DLG2: variants seen among roughly 807,000 people sequenced by gnomAD.
DLG2 encodes the protein disks large homolog 2.
In DLG2, 45 loss-of-function variants were observed where a neutral mutation model predicts 132.5. The ratio of observed to expected loss-of-function variants is 0.34; its 90% CI spans 0.27 to 0.44. DLG2 has a LOEUF of 0.44. Among genes scored for constraint, DLG2 ranks in the 20% least tolerant of loss-of-function variants. The probability of loss-of-function intolerance (pLI) is 1.00; values close to 1 mark genes in which losing one functional copy is unlikely to be tolerated. For missense variants in DLG2, 1,045 were observed against 1,196.9 expected (o/e 0.87, Z 1.87); for synonymous variants, 424 against 419.6 (o/e 1.01, Z -0.13).
intron 25 of DLG2, among the ~76,000 whole-genome samples, chr11:83,467,886 A>C (rs1438081062): frequency 6.9e-6 from 1 of 145,418 alleles, no homozygotes; most frequent in African/African-American, 2.5e-5. Flanking sequence ...GTTAAATGCC[A>C]AGAGAGAAAG....
At chr11:83,912,064 C>T (rs2076161883) in intron 15 of DLG2, among the ~76,000 whole-genome samples, 1 of 151,936 alleles carries the variant, frequency 6.6e-6, no homozygotes, top group Non-Finnish European at 1.5e-5. Flanking sequence ...TATATACTCT[C>T]ACTTGCTGAG....
intron 19 of DLG2, among the ~76,000 whole-genome samples, chr11:83,588,458 G>C (rs1259821419): frequency 6.6e-6 from 1 of 152,098 alleles, no homozygotes; most frequent in African/African-American, 2.4e-5. Context: ...AAACAGAAAG[G>C]ACATCCACAC....
chr11:85,173,904 T>C (rs879933422), intron 4 of DLG2, among the ~76,000 whole-genome samples: 12 of 152,068 alleles, frequency 7.9e-5, no homozygotes, highest in Non-Finnish European at 1.5e-5. Flanking sequence ...AAGGGTTCAA[T>C]TCAACAAAAA....
chr11:83,838,279 T>C (rs11233755), intron 16 of DLG2, among the ~76,000 whole-genome samples: 109,923 of 152,120 alleles, frequency 0.72, 41,031 homozygotes, highest in African/African-American at 0.91. Context: ...GGAATCTAGG[T>C]GACAAGTACA....
chr11:83,946,872 A>G (rs2084114711), intron 14 of DLG2, among the ~76,000 whole-genome samples: 1 of 152,174 alleles, frequency 6.6e-6, no homozygotes, highest in South Asian at 2.1e-4. Flanking sequence ...CCACATTCTC[A>G]CTGTGAGTGC....
Position 83,457,031 on chromosome 11 carries a change from C to T in DLG2, c.*2787G>A, listed in dbSNP as rs911837589. On this transcript the variant is annotated 3_prime_UTR_variant, in exon 28 of 28. Coordinates refer to ENST00000376104, the MANE Select transcript of DLG2 (RefSeq NM_001142699.3). ...TTGATTTTGGTAAAGCTGAGACCCC[C>T]GTGGTGCTACACATTGTACCAGAGC... is the stretch of plus-strand genomic sequence containing the variant. The T allele has an allele frequency of 6.6e-6, 1 of 152,658 alleles. No homozygotes were observed. The highest frequency in any genetic ancestry group is 1.5e-5 in the Non-Finnish European group (1 of 68,044). 9.5% of individuals were successfully genotyped at this position (152,658 alleles called of 1,614,324 possible). A position where few individuals can be genotyped will look rare whatever the true frequency, so the allele number is the denominator to read the frequency against.
chr11:83,972,095 AAAG>A (rs1800434024), intron 12 of DLG2, among the ~76,000 whole-genome samples: 1 of 152,120 alleles, frequency 6.6e-6, no homozygotes, highest in African/African-American at 2.4e-5. Flanking sequence ...GAATGGGAAA[AAAG>A]AAAGTTAATT....
At chr11:84,985,040 G>A (rs1001272835) in intron 6 of DLG2, among the ~76,000 whole-genome samples, 1 of 152,124 alleles carries the variant, frequency 6.6e-6, no homozygotes, top group African/African-American at 2.4e-5. Flanking sequence ...AATATTGGAG[G>A]ACTTTACTAC....
chr11:83,546,113 G>A (rs765549553), intron 19 of DLG2, among the ~76,000 whole-genome samples: 16 of 152,056 alleles, frequency 1.1e-4, no homozygotes, highest in Non-Finnish European at 2.1e-4. Flanking sequence ...ATGTGTGGTG[G>A]CCCCTTGCCA....
intron 6 of DLG2, among the ~76,000 whole-genome samples, chr11:84,881,926 C>G (rs1342253798): frequency 1.3e-5 from 2 of 152,094 alleles, no homozygotes; most frequent in Non-Finnish European, 2.9e-5. Context: ...AAACTCAGCA[C>G]ATATTCTACC....
At chr11:85,145,555 A>G (rs2076784315) in intron 5 of DLG2, among the ~76,000 whole-genome samples, 1 of 151,710 alleles carries the variant, frequency 6.6e-6, no homozygotes, top group Non-Finnish European at 1.5e-5. Context: ...TTTTTTATAC[A>G]GCCTGTCTTC....
In DLG2 at chr11:85,010,814, G is replaced by A. The variant is rs148122209; in HGVS notation, c.357+100847C>T. 1.8e-4 allele frequency among the ~76,000 whole-genome samples: 28 copies of A among 152,138 alleles called. No individual in the cohort carries two copies. The East Asian group carries it at 5.0e-3, about 27-fold the overall frequency. On this transcript the variant is annotated intron_variant, in intron 6 of 27. Transcript: ENST00000376104. ...AAAAAAAAGATGCTAATTGCTTTTG[G>A]TTTCCACCGCAAAACAAAAACCATC...
intron 2 of DLG2, among the ~76,000 whole-genome samples, chr11:85,611,346 AC>A (rs1241148546): frequency 6.6e-6 from 1 of 152,216 alleles, no homozygotes; most frequent in Non-Finnish European, 1.5e-5. Flanking sequence ...CTACTTAGAT[AC>A]CAGGCACTAC....
chr11:84,325,772 T>G (rs2098427494), intron 7 of DLG2, among the ~76,000 whole-genome samples: 1 of 152,184 alleles, frequency 6.6e-6, no homozygotes, highest in South Asian at 2.1e-4. Flanking sequence ...AAAATGAGTT[T>G]TGAATTGTTC....
intron 8 of DLG2, among the ~76,000 whole-genome samples, chr11:84,174,418 C>T (rs1031079482): frequency 4.6e-5 from 7 of 152,062 alleles, no homozygotes; most frequent in African/African-American, 9.7e-5. Flanking sequence ...CAGCTGTCCC[C>T]AACCTACCTT....
intron 8 of DLG2, among the ~76,000 whole-genome samples, chr11:84,234,668 CCCT>C (rs911563716): frequency 1.3e-5 from 2 of 152,156 alleles, no homozygotes; most frequent in Admixed American, 6.5e-5. Context: ...CTTCATTAAT[CCCT>C]CCTCCTCCTC....
At chr11:84,777,188 C>A (rs577581232) in intron 6 of DLG2, among the ~76,000 whole-genome samples, 2 of 150,076 alleles carry the variant, frequency 1.3e-5, no homozygotes, top group East Asian at 3.9e-4. Context: ...ACTTAATGAC[C>A]TCCAGTTCCA....
intron 7 of DLG2, among the ~76,000 whole-genome samples, chr11:84,494,594 C>T (rs2099175206): frequency 6.6e-6 from 1 of 152,072 alleles, no homozygotes; most frequent in African/African-American, 2.4e-5. Context: ...AGCAAAATTC[C>T]AAGGGGTCCG....
intron 6 of DLG2, among the ~76,000 whole-genome samples, chr11:84,658,677 C>A (rs1317928767): frequency 6.6e-6 from 1 of 151,938 alleles, no homozygotes; most frequent in African/African-American, 2.4e-5. Flanking sequence ...AGAGTCGGCA[C>A]TTCCTCACCT....
Sources: gnomAD v4.1 joint callset for allele counts (sites outside exome capture counted in the v4.1 genomes callset) on GRCh38, gnomAD v4.1.1 for gene constraint, MANE v1.5 for transcripts, NCBI Gene and HGNC (gene_info 2026-07-23, HGNC 2026-07-21) for gene names.